ARID5B: variants seen among roughly 807,000 people sequenced by gnomAD.
ARID5B encodes the protein AT-rich interaction domain 5B.
In ARID5B, 13 loss-of-function variants were observed where a neutral mutation model predicts 97.2. That is an observed-to-expected ratio of 0.13 (90% CI 0.09 to 0.21). The LOEUF (loss-of-function observed/expected upper bound fraction) is 0.21. ARID5B is among the 10% of genes least tolerant of loss of function. The probability of loss-of-function intolerance (pLI) is 1.00; values close to 1 mark genes in which losing one functional copy is unlikely to be tolerated. For missense variants in ARID5B, 1,210 were observed against 1,465.3 expected, an observed-to-expected ratio of 0.83 and a Z score of 2.84; for synonymous variants, 556 against 570.3, an observed-to-expected ratio of 0.97 and a Z score of 0.36.
chr10:62,045,572 T>TC (rs1313931843), intron 4 of ARID5B, among the ~76,000 whole-genome samples: 2 of 151,680 alleles, frequency 1.3e-5, no homozygotes, highest in African/African-American at 4.8e-5. Context: ...TGCCTCAGCC[T>TC]CCCGAGTAGC....
intron 3 of ARID5B, among the ~76,000 whole-genome samples, chr10:61,957,667 A>G (rs1306339142): frequency 6.6e-6 from 1 of 152,230 alleles, no homozygotes; most frequent in African/African-American, 2.4e-5. Context: ...GAAAAAGAAT[A>G]TATATCTCTC....
At position 62,092,151 on chromosome 10, in the gene ARID5B, A is replaced by G; in HGVS notation, c.2688A>G (p.Ala896=). The G allele has an allele frequency of 6.2e-7, 1 of 1,607,568 alleles. No individual in the cohort carries two copies. Among genetic ancestry groups the G allele is most frequent in the Non-Finnish European group, 8.5e-7 (1 of 1,177,690 alleles). ...SLHLQDKKSA[A]AEAPTDDQPT... ...ACCTGCAAGACAAAAAGTCGGCGGC[A>G]GCAGAAGCCCCTACGGATGATCAGC... The change falls in exon 10 of 10, where the codon GCA becomes GCG. Residue 896 remains alanine, a synonymous_variant. Coordinates refer to ENST00000279873, the MANE Select transcript of ARID5B (RefSeq NM_032199.3).
chr10:62,035,981 T>C (rs1839558592), intron 4 of ARID5B, among the ~76,000 whole-genome samples: 1 of 151,742 alleles, frequency 6.6e-6, no homozygotes, highest in Admixed American at 6.6e-5. Flanking sequence ...CCCGCCACCA[T>C]GCCCATGTAA....
At chr10:61,990,373 CT>C (rs781568377) in intron 3 of ARID5B, among the ~76,000 whole-genome samples, 1 of 152,174 alleles carries the variant, frequency 6.6e-6, no homozygotes, top group Non-Finnish European at 1.5e-5. Flanking sequence ...CCACATGACC[CT>C]TTGTCTAAAA....
intron 4 of ARID5B, among the ~76,000 whole-genome samples, chr10:62,044,232 A>G (rs925462357): frequency 6.6e-6 from 1 of 152,142 alleles, no homozygotes; most frequent in African/African-American, 2.4e-5. Context: ...ATCGCATGAT[A>G]TCCAGTGTGA....
At chr10:61,985,112 G>C (rs556049892) in intron 3 of ARID5B, among the ~76,000 whole-genome samples, 2 of 151,932 alleles carry the variant, frequency 1.3e-5, no homozygotes, top group South Asian at 4.2e-4. Context: ...TCCTTCAAAA[G>C]TTAGCTTGAG....
chr10:61,932,138 G>T (rs1313095105), intron 2 of ARID5B, among the ~76,000 whole-genome samples: 2 of 152,120 alleles, frequency 1.3e-5, no homozygotes, highest in East Asian at 1.9e-4. Context: ...TGACTGTTTT[G>T]GTTTCCTAGC....
intron 3 of ARID5B, among the ~76,000 whole-genome samples, chr10:61,985,522 A>G (rs181729834): frequency 3.3e-5 from 5 of 152,280 alleles, no homozygotes; most frequent in Admixed American, 2.6e-4. Flanking sequence ...AGAATAGGCA[A>G]GTCTATACAG....
intron 4 of ARID5B, among the ~76,000 whole-genome samples, chr10:62,009,286 T>G (rs770410445): frequency 6.6e-6 from 1 of 152,186 alleles, no homozygotes; most frequent in Non-Finnish European, 1.5e-5. Flanking sequence ...AGGAACACAC[T>G]GTGTTCAGCA....
In ARID5B at chr10:62,013,815, T is replaced by C. The variant is rs10995009; in HGVS notation, c.733+13494T>C. On this transcript the variant is annotated intron_variant, in intron 4 of 9. Transcript: ENST00000279873. Reference sequence around the variant, plus strand: ...TTGGGTATATATATATATATATATATACCACATTTTCTCTTTTAATTTTTA... The same window carrying C: ...TTGGGTATATATATATATATATATACACCACATTTTCTCTTTTAATTTTTA... 2.3e-3 allele frequency among the ~76,000 whole-genome samples: 332 copies of C among 147,420 alleles called. 2 individuals carry two copies. The highest frequency in any genetic ancestry group is 6.7e-3 in the African/African-American group (267 of 40,000).
rs71470784 is a variant in ARID5B at position 61,948,380 on chromosome 10, A to ATTTTTTTTTTT, written c.502+7982_502+7992dup. 6.4e-3 allele frequency among the ~76,000 whole-genome samples: 555 copies of ATTTTTTTTTTT among 86,146 alleles called. 39 individuals carry two copies. The highest frequency in any genetic ancestry group is 7.6e-3 in the African/African-American group (161 of 21,070). The allele number at this position is 86,146 out of a possible 152,430, so 56.5% of individuals were successfully genotyped here. ...CTTATCTTAGGATACACTTTAGGTA[A>ATTTTTTTTTTT]TTTTTTTTTTTTTTTTTTTTGAGAT... On this transcript the variant is annotated intron_variant, in intron 3 of 9. Transcript: ENST00000279873.
chr10:62,086,545 C>T (rs1408054413), intron 9 of ARID5B, among the ~76,000 whole-genome samples: 2 of 151,684 alleles, frequency 1.3e-5, no homozygotes, highest in East Asian at 1.9e-4. Context: ...ACTAAAAATA[C>T]AAAAAATTAG....
chr10:62,036,159 G>C (rs150846640), intron 4 of ARID5B, among the ~76,000 whole-genome samples: 307 of 152,192 alleles, frequency 2.0e-3, no homozygotes, highest in African/African-American at 7.1e-3. Flanking sequence ...AGGGCAGGAG[G>C]GAGAAAAGCT....
rs1464172612 is a variant in ARID5B at position 62,092,609 on chromosome 10, A to G, written c.3146A>G (p.Gln1049Arg). 2 of 1,614,210 alleles carry G rather than the reference A, an allele frequency of 1.2e-6. No homozygotes were observed. Among genetic ancestry groups the G allele is most frequent in the East Asian group, 2.2e-5 (1 of 44,878 alleles). Residue 1049 changes from glutamine to arginine, a missense_variant, in exon 10 of 10, where the codon CAG becomes CGG. This residue lies in a region of ARID5B where 800 missense variants were observed against 839.1 expected (regional missense o/e 0.95). Coordinates refer to ENST00000279873, the MANE Select transcript of ARID5B (RefSeq NM_032199.3). Reference protein sequence around the residue: ...EVSGKEKASEQESEGSKAAHG... With the variant: ...EVSGKEKASERESEGSKAAHG... Reference sequence around the variant, plus strand: ...TCTGGGAAGGAGAAGGCCTCTGAGCAGGAGAGTGAAGGCAGCAAAGCAGCG... The same window carrying G: ...TCTGGGAAGGAGAAGGCCTCTGAGCGGGAGAGTGAAGGCAGCAAAGCAGCG...
intron 3 of ARID5B, among the ~76,000 whole-genome samples, chr10:61,995,195 CTTTG>C (rs1838979736): frequency 6.6e-6 from 1 of 152,156 alleles, no homozygotes; most frequent in Non-Finnish European, 1.5e-5. Context: ...TCCAGGAACA[CTTTG>C]TTTGTCTTTT....
chr10:62,002,175 G>A (rs774387140), intron 4 of ARID5B, among the ~76,000 whole-genome samples: 1 of 152,186 alleles, frequency 6.6e-6, no homozygotes, highest in South Asian at 2.1e-4. Context: ...AGAATTATTA[G>A]TCATTGAGTT....
intron 2 of ARID5B, among the ~76,000 whole-genome samples, chr10:61,914,673 C>G (rs1197359229): frequency 6.6e-6 from 1 of 151,848 alleles, no homozygotes; most frequent in Admixed American, 6.5e-5. Context: ...GTCAAAGTCA[C>G]AACATTTTCC....
intron 4 of ARID5B, among the ~76,000 whole-genome samples, chr10:62,038,972 C>G (rs2132914975): frequency 6.6e-6 from 1 of 152,346 alleles, no homozygotes; most frequent in South Asian, 2.1e-4. Flanking sequence ...TTTCCACTAA[C>G]AGCGAATAAT....
intron 4 of ARID5B, among the ~76,000 whole-genome samples, chr10:62,029,206 C>T (rs1173287852): frequency 6.6e-6 from 1 of 152,170 alleles, no homozygotes; most frequent in Non-Finnish European, 1.5e-5. Flanking sequence ...GCCTCCTGTC[C>T]TGCAGCCCTA....
Sources: allele counts gnomAD v4.1 joint callset (sites outside exome capture counted in the v4.1 genomes callset), GRCh38; gene constraint gnomAD v4.1.1; regional missense constraint gnomAD v4.1.1; transcripts MANE v1.5; gene names NCBI Gene and HGNC (gene_info 2026-07-23, HGNC 2026-07-21).